Variants in TIAM2 observed in about 807,000 individuals in gnomAD.
TIAM2 encodes the protein TIAM Rac1 associated GEF 2, also known as rho guanine nucleotide exchange factor TIAM2.
Under a neutral mutation model 152.9 loss-of-function variants are expected in TIAM2, and 80 were observed. The ratio of observed to expected loss-of-function variants is 0.52; its 90% confidence interval spans 0.44 to 0.63. The LOEUF (loss-of-function observed/expected upper bound fraction) is 0.63. Among genes scored for constraint, TIAM2 ranks in the 30% least tolerant of loss-of-function variants. TIAM2 has a pLI of 0.00. For synonymous variants in TIAM2, 804 were observed against 838.0 expected (o/e 0.96, Z 0.70); for missense variants, 1,965 against 2,120.1 (o/e 0.93, Z 1.44).
intron 1 of TIAM2, among the ~76,000 whole-genome samples, chr6:155,074,442 G>A (rs1777908227): frequency 6.6e-6 from 1 of 152,038 alleles, no homozygotes. Context: ...CCACCTCCCA[G>A]GTTCAAGGGA....
At chr6:155,183,951 A>T (rs1780972560) in intron 14 of TIAM2, among the ~76,000 whole-genome samples, 1 of 152,164 alleles carries the variant, frequency 6.6e-6, no homozygotes, top group African/African-American at 2.4e-5. Flanking sequence ...GTACTACTTT[A>T]TTAATAAACA....
chr6:155,246,515 T>C (rs1316043430), intron 19 of TIAM2, among the ~76,000 whole-genome samples: 1 of 152,164 alleles, frequency 6.6e-6, no homozygotes, highest in Non-Finnish European at 1.5e-5. Flanking sequence ...TGTAAAAATG[T>C]TCGTAGAAAT....
At position 155,129,593 on chromosome 6, in the gene TIAM2, G is replaced by T. The variant is rs1218695203; in HGVS notation, c.370G>T (p.Ala124Ser). The T allele has an allele frequency of 1.2e-6, 2 of 1,614,116 alleles. No homozygotes were observed. Among genetic ancestry groups the T allele is most frequent in the East Asian group, 4.5e-5 (2 of 44,874 alleles). Residue 124 changes from alanine to serine, a missense_variant, in exon 4 of 27, where the codon GCA becomes TCA. Ala to Ser is a moderately conservative substitution (Grantham distance 99). This residue lies in a region of TIAM2 where 1,025 missense variants were observed against 1,119.4 expected (regional missense o/e 0.92). Transcript: ENST00000682666. This position sits in a 1 kb window ranked among gnomAD's most constrained non-coding sequence, Gnocchi z 4.8. ...CTTCCACTCTGTTGGCCACGAGCTG[G>T]CAGATAACCACATCACCTCCAGAGA... ...NGFHSVGHELADNHITSRDCN... is the reference protein window; with the variant it reads ...NGFHSVGHELSDNHITSRDCN...
At chr6:155,034,145 GA>G (rs1776878141) in intron 1 of TIAM2, among the ~76,000 whole-genome samples, 1 of 152,058 alleles carries the variant, frequency 6.6e-6, no homozygotes, top group Non-Finnish European at 1.5e-5. Flanking sequence ...CTCTTCAGTG[GA>G]TAATTTTTGC....
Position 155,174,670 on chromosome 6 carries a change from A to G in TIAM2, c.2362-2146A>G, listed in dbSNP as rs1226200276. Reference sequence around the variant, plus strand: ...AGACGTGAGCCATGGCGCCCGGCCAAGTGATACAGTCTTTCTCTGATTGTC... The same window carrying G: ...AGACGTGAGCCATGGCGCCCGGCCAGGTGATACAGTCTTTCTCTGATTGTC... On this transcript the variant is annotated intron_variant, in intron 9 of 26. Coordinates refer to ENST00000682666, the MANE Select transcript of TIAM2 (RefSeq NM_012454.4). The surrounding 1 kb of genome is among the most constrained non-coding windows in gnomAD (Gnocchi z 4.2). Among the ~76,000 whole-genome samples, 1 of 152,212 alleles carries G rather than the reference A, an allele frequency of 6.6e-6. No homozygotes were observed. The highest frequency in any genetic ancestry group is 2.4e-5 in the African/African-American group (1 of 41,468).
intron 9 of TIAM2, among the ~76,000 whole-genome samples, chr6:155,172,698 TTTTTTTTTTTTTTTC>T (rs1780656663): frequency 2.7e-5 from 2 of 74,154 alleles, no homozygotes; most frequent in African/African-American, 1.3e-4. Context: ...TTTTTTTTTT[TTTTTTTTTTTTTTTC>T]TTTGATGGGA....
chr6:155,036,722 A>G (rs1332628391), intron 1 of TIAM2, among the ~76,000 whole-genome samples: 2 of 151,454 alleles, frequency 1.3e-5, no homozygotes, highest in South Asian at 2.1e-4. Flanking sequence ...GGTTCAAGCG[A>G]TTCTCCTGCT....
chr6:155,254,405 C>G lies in TIAM2; in HGVS notation c.4314-14C>G, dbSNP rs536446786. On this transcript the variant is annotated splice_polypyrimidine_tract_variant and intron_variant, in intron 25 of 26. Coordinates refer to ENST00000682666, the MANE Select transcript of TIAM2 (RefSeq NM_012454.4). ...TGTGGACACTTCTGCTGTTTTCTCTCCCCCCCCACCCAGTGACAGTGAAAG... is the reference window on the plus strand; with the variant it reads ...TGTGGACACTTCTGCTGTTTTCTCTGCCCCCCCACCCAGTGACAGTGAAAG... 30 of 1,559,744 alleles carry G rather than the reference C, an allele frequency of 1.9e-5. No homozygotes were observed. Among genetic ancestry groups the G allele is most frequent in the Admixed American group, 3.4e-5 (2 of 59,322 alleles).
At chr6:155,073,159 CTTTTTTTTTTTT>C (rs34459359) in intron 1 of TIAM2, among the ~76,000 whole-genome samples, 3 of 105,344 alleles carry the variant, frequency 2.8e-5, no homozygotes, top group East Asian at 2.8e-4. Flanking sequence ...TGATTAAGTT[CTTTTTTTTTTTT>C]TTTTTTTTTT....
At chr6:155,069,332 G>A (rs545147021) in intron 1 of TIAM2, among the ~76,000 whole-genome samples, 36 of 152,210 alleles carry the variant, frequency 2.4e-4, no homozygotes, top group South Asian at 4.1e-4. Flanking sequence ...GGGCTTGAGC[G>A]ATCCTCCCAC....
chr6:154,995,829 T>C lies in TIAM2; in HGVS notation c.-209+337T>C, dbSNP rs2114828809. Among the ~76,000 whole-genome samples, 1 of 152,102 alleles carries C rather than the reference T, an allele frequency of 6.6e-6. No individual in the cohort carries two copies. Among genetic ancestry groups the C allele is most frequent in the South Asian group, 2.1e-4 (1 of 4,820 alleles). ...CTTTCAGCCCCGGTCCCATCCCGGA[T>C]GGGAGGAGGCGGCGCCCCGGCCTCC... On this transcript the variant is annotated intron_variant, in intron 1 of 26. Transcript: ENST00000682666. The surrounding 1 kb of genome is among the most constrained non-coding windows in gnomAD (Gnocchi z 5.2).
intron 1 of TIAM2, among the ~76,000 whole-genome samples, chr6:155,028,486 CAT>C (rs1554225308): frequency 7.8e-5 from 8 of 103,104 alleles, no homozygotes; most frequent in African/African-American, 1.5e-4. Flanking sequence ...ACATATACTA[CAT>C]ATATATACTG....
In TIAM2 at chr6:155,055,368, G is replaced by A. The variant is rs371708464; in HGVS notation, c.-208-34921G>A. The stretch of plus-strand genomic sequence containing the variant: ...TAATAAGGACATGCCGATTACTTGT[G>A]AAGTTCCTGAGGAATCCATTTTAGA... On this transcript the variant is annotated intron_variant, in intron 1 of 26. Transcript: ENST00000682666. 1.4e-4 allele frequency among the ~76,000 whole-genome samples: 22 copies of A among 152,258 alleles called. 1 individual carries two copies. Among genetic ancestry groups the A allele is most frequent in the African/African-American group, 3.6e-4 (15 of 41,552 alleles).
At chr6:155,206,467 C>G (rs1050622942) in intron 14 of TIAM2, among the ~76,000 whole-genome samples, 1 of 152,146 alleles carries the variant, frequency 6.6e-6, no homozygotes, top group Non-Finnish European at 1.5e-5. Context: ...GATCTCCTGA[C>G]CTCGTGATCT....
intron 14 of TIAM2, among the ~76,000 whole-genome samples, chr6:155,192,051 G>A (rs894509348): frequency 1.3e-5 from 2 of 152,172 alleles, no homozygotes; most frequent in Admixed American, 6.5e-5. Flanking sequence ...GGGGCCCAGT[G>A]TAGTCACAGG....
chr6:155,039,316 A>C (rs1776978143), intron 1 of TIAM2, among the ~76,000 whole-genome samples: 1 of 151,968 alleles, frequency 6.6e-6, no homozygotes, highest in Admixed American at 6.6e-5. Context: ...AGTTTTGATG[A>C]CCAGAATTGT....
At chr6:155,237,845 C>T (rs1368807115) in intron 15 of TIAM2, among the ~76,000 whole-genome samples, 1 of 152,200 alleles carries the variant, frequency 6.6e-6, no homozygotes, top group Non-Finnish European at 1.5e-5. Context: ...TCCTCCTAGG[C>T]CTCCAGGCCT....
At position 155,172,653 on chromosome 6, in the gene TIAM2, TA is replaced by T. The variant is rs1780616778; in HGVS notation, c.2362-4162del. 8.5e-3 allele frequency among the ~76,000 whole-genome samples: 128 copies of T among 15,100 alleles called. 2 individuals are homozygous for T. The highest frequency in any genetic ancestry group is 0.026 in the African/African-American group (114 of 4,442). The allele number at this position is 15,100 out of a possible 152,430, so 9.9% of individuals were successfully genotyped here. On this transcript the variant is annotated intron_variant, in intron 9 of 26. Coordinates refer to ENST00000682666, the MANE Select transcript of TIAM2 (RefSeq NM_012454.4). ...GAGGCTAGTTGGAAATATATATATA[TA>T]TATATATATATATATATATATATAT... is the stretch of plus-strand genomic sequence containing the variant.
intron 1 of TIAM2, chr6:155,005,044 G>A: frequency 1.9e-6 from 1 of 516,124 alleles, no homozygotes; most frequent in Non-Finnish European, 3.1e-6. Flanking sequence ...CCCATGATGA[G>A]CCAGTGGATG....
Sources: gnomAD v4.1 joint callset for allele counts (sites outside exome capture counted in the v4.1 genomes callset) on GRCh38, gnomAD v4.1.1 for gene constraint, gnomAD v4.1.1 regional missense constraint, Gnocchi (gnomAD v3.1) non-coding constraint, MANE v1.5 for transcripts, NCBI Gene and HGNC (gene_info 2026-07-23, HGNC 2026-07-21) for gene names.